Variants in ZCCHC7 observed in about 807,000 individuals in gnomAD.
The protein encoded by ZCCHC7 is zinc finger CCHC domain-containing protein 7.
ZCCHC7 carries 35 observed loss-of-function variants against 52.0 expected under a neutral mutation model. That is an observed-to-expected ratio of 0.67 (90% CI 0.51 to 0.89). The LOEUF (loss-of-function observed/expected upper bound fraction) is 0.89. ZCCHC7 is among the 40% of genes least tolerant of loss of function. The probability of loss-of-function intolerance (pLI) is 0.00; values close to 1 mark genes in which losing one functional copy is unlikely to be tolerated. For synonymous variants in ZCCHC7, 217 were observed against 221.5 expected (o/e 0.98, Z 0.18); for missense variants, 574 against 649.1 (o/e 0.88, Z 1.26).
chr9:37,295,377 T>G (rs2133657756), intron 2 of ZCCHC7, among the ~76,000 whole-genome samples: 1 of 152,302 alleles, frequency 6.6e-6, no homozygotes, highest in Non-Finnish European at 1.5e-5. Flanking sequence ...TTGTATAGTA[T>G]ACAAAGGAAT....
At chr9:37,194,519 A>T (rs1463109988) in intron 2 of ZCCHC7, among the ~76,000 whole-genome samples, 1 of 152,206 alleles carries the variant, frequency 6.6e-6, no homozygotes, top group Non-Finnish European at 1.5e-5. Context: ...GTGTGGGGTT[A>T]AGACAGACTC....
In ZCCHC7 at chr9:37,208,238, C is replaced by A. The variant is rs1824026498; in HGVS notation, c.610+81296C>A. Among the ~76,000 whole-genome samples the A allele has an allele frequency of 2.0e-5, 3 of 152,168 alleles. No homozygotes were observed. In the South Asian group the frequency reaches 6.2e-4, roughly 32 times the overall value. ...TAGCTGAGATTACAGGCGTGCACCA[C>A]CACACGCGGCTAATTTTTGTATTTT... On this transcript the variant is annotated intron_variant, in intron 2 of 8. Coordinates refer to ENST00000336755, the MANE Select transcript of ZCCHC7 (RefSeq NM_032226.3).
chr9:37,182,248 G>A (rs894909394), intron 2 of ZCCHC7, among the ~76,000 whole-genome samples: 4 of 151,980 alleles, frequency 2.6e-5, no homozygotes, highest in East Asian at 3.8e-4. Context: ...CTTAAGAATA[G>A]CATTTCAATT....
At chr9:37,277,393 G>A (rs1218396609) in intron 2 of ZCCHC7, among the ~76,000 whole-genome samples, 1 of 152,084 alleles carries the variant, frequency 6.6e-6, no homozygotes, top group Admixed American at 6.5e-5. Flanking sequence ...TATTATCCCA[G>A]CATTTAGGGC....
intron 5 of ZCCHC7, among the ~76,000 whole-genome samples, chr9:37,324,556 C>T (rs1017109978): frequency 2.6e-5 from 4 of 152,218 alleles, no homozygotes; most frequent in African/African-American, 9.6e-5. Context: ...CCTGAAAGCC[C>T]TGTCACTCAT....
At chr9:37,143,658 A>G (rs901886630) in intron 2 of ZCCHC7, among the ~76,000 whole-genome samples, 2 of 146,858 alleles carry the variant, frequency 1.4e-5, no homozygotes, top group African/African-American at 2.5e-5. Context: ...GAGTGCTTGA[A>G]CTCTTTTTTT....
At chr9:37,348,347 G>GTTCT (rs58182218) in intron 6 of ZCCHC7, among the ~76,000 whole-genome samples, 14,299 of 135,404 alleles carry the variant, frequency 0.11, 813 homozygotes, top group East Asian at 0.15. Context: ...ATACCAGTTC[G>GTTCT]TTCTTTCTTT....
At chr9:37,267,333 GTT>G (rs1290149091) in intron 2 of ZCCHC7, among the ~76,000 whole-genome samples, 35 of 152,186 alleles carry the variant, frequency 2.3e-4, no homozygotes, top group African/African-American at 8.4e-4. Flanking sequence ...TGCTGAAAGT[GTT>G]CTTCTCTTTT....
At chr9:37,296,887 G>A (rs796109258) in intron 2 of ZCCHC7, among the ~76,000 whole-genome samples, 10 of 133,674 alleles carry the variant, frequency 7.5e-5, no homozygotes, top group African/African-American at 3.2e-4. Context: ...TAGTTTGTGT[G>A]TGTGTGTGTG....
chr9:37,331,474 A>ACATTTAG lies in ZCCHC7; in HGVS notation c.987+3640_987+3641insCATTTAG, dbSNP rs1830446524. Among the ~76,000 whole-genome samples, 4 of 151,712 alleles carry ACATTTAG rather than the reference A, an allele frequency of 2.6e-5. No individual in the cohort carries two copies. In the South Asian group the frequency reaches 8.3e-4, roughly 31 times the overall value. The stretch of plus-strand genomic sequence containing the variant: ...TCTAAAGCATTCTATGCCATACTAC[A>ACATTTAG]GAGTGGGTACCCCTAAATGTCAACA... On this transcript the variant is annotated intron_variant, in intron 6 of 8. Coordinates refer to ENST00000336755, the MANE Select transcript of ZCCHC7 (RefSeq NM_032226.3).
intron 2 of ZCCHC7, chr9:37,205,216 T>A (rs1823840092): frequency 2.6e-6 from 1 of 385,336 alleles, no homozygotes; most frequent in Non-Finnish European, 5.1e-6. Context: ...AGGGTAACAT[T>A]GTAGACTCTT....
intron 6 of ZCCHC7, among the ~76,000 whole-genome samples, chr9:37,337,004 CG>C (rs1830699219): frequency 6.6e-6 from 1 of 152,040 alleles, no homozygotes; most frequent in African/African-American, 2.4e-5. Context: ...GGACAATTGG[CG>C]GAGGGGCCGA....
intron 2 of ZCCHC7, among the ~76,000 whole-genome samples, chr9:37,191,877 T>TA (rs1823039293): frequency 6.6e-6 from 1 of 152,202 alleles, no homozygotes. Context: ...AAAGCTAAAT[T>TA]GCTCCATCTT....
intron 3 of ZCCHC7, 26 bp downstream of exon 3, chr9:37,302,257 C>A: frequency 6.4e-7 from 1 of 1,562,780 alleles, no homozygotes; most frequent in Non-Finnish European, 8.8e-7. Flanking sequence ...TTTTAAAATT[C>A]AGAATAATAA....
intron 2 of ZCCHC7, among the ~76,000 whole-genome samples, chr9:37,169,398 G>C (rs1444618411): frequency 6.6e-6 from 1 of 152,152 alleles, no homozygotes. Context: ...GGGCCTACCC[G>C]CTAGAGGTGA....
At chr9:37,291,895 G>A (rs920421970) in intron 2 of ZCCHC7, among the ~76,000 whole-genome samples, 1 of 152,124 alleles carries the variant, frequency 6.6e-6, no homozygotes, top group Admixed American at 6.5e-5. Flanking sequence ...GTTTCTCCAT[G>A]TTGGTCAGGC....
chr9:37,211,779 A>G (rs952274113), intron 2 of ZCCHC7, among the ~76,000 whole-genome samples: 4 of 152,300 alleles, frequency 2.6e-5, no homozygotes, highest in African/African-American at 9.6e-5. Context: ...CTGTAATCAC[A>G]GCACTTTGGG....
At chr9:37,152,037 C>G (rs145082959) in intron 2 of ZCCHC7, among the ~76,000 whole-genome samples, 44 of 152,250 alleles carry the variant, frequency 2.9e-4, no homozygotes, top group African/African-American at 8.7e-4. Flanking sequence ...CTAATCTGAT[C>G]TGGCAACCTG....
intron 2 of ZCCHC7, among the ~76,000 whole-genome samples, chr9:37,276,751 G>C (rs1002391713): frequency 2.0e-5 from 3 of 152,092 alleles, no homozygotes; most frequent in Admixed American, 6.5e-5. Context: ...TTTGCCCAGA[G>C]AACTAAAATG....
Sources: allele counts gnomAD v4.1 joint callset (sites outside exome capture counted in the v4.1 genomes callset), GRCh38; gene constraint gnomAD v4.1.1; transcripts MANE v1.5; gene names NCBI Gene and HGNC (gene_info 2026-07-23, HGNC 2026-07-21).